The following MARCHF1 variants were observed in gnomAD, a reference collection of about 807,000 sequenced individuals.
The protein encoded by MARCHF1 is E3 ubiquitin-protein ligase MARCHF1.
In MARCHF1, 40 loss-of-function variants were observed where a neutral mutation model predicts 54.2. That is an observed-to-expected ratio of 0.74 (90% CI 0.57 to 0.96). The LOEUF is 0.96. MARCHF1 is among the 40% of genes least tolerant of loss of function. The probability of loss-of-function intolerance (pLI) is 0.00; values close to 1 mark genes in which losing one functional copy is unlikely to be tolerated. For missense variants in MARCHF1, 586 were observed against 656.5 expected, an observed-to-expected ratio of 0.89 and a Z score of 1.17; for synonymous variants, 236 against 236.3, an observed-to-expected ratio of 1.00 and a Z score of 0.01.
rs1210727068 is a variant in MARCHF1 at position 164,161,530 on chromosome 4, T to TCAC, written c.-322-49869_-322-49868insGTG. On this transcript the variant is annotated intron_variant, in intron 1 of 9. Coordinates refer to ENST00000514618, the MANE Select transcript of MARCHF1 (RefSeq NM_001394959.1). ...ATCTTTCCATGTGATATCAAAATCA[T>TCAC]CATCATCATCATCATCAGCAGCAGC... 2.0e-5 allele frequency among the ~76,000 whole-genome samples: 3 copies of TCAC among 149,412 alleles called. No homozygotes were observed. The East Asian group carries it at 5.9e-4, about 29-fold the overall frequency.
intron 1 of MARCHF1, among the ~76,000 whole-genome samples, chr4:164,258,045 A>G (rs6847083): frequency 0.12 from 17,732 of 152,180 alleles, 1,619 homozygotes; most frequent in African/African-American, 0.25. Context: ...AATGTGGTAC[A>G]TATACACCAT....
chr4:164,360,600 C>T (rs1309907851), intron 1 of MARCHF1, among the ~76,000 whole-genome samples: 1 of 152,066 alleles, frequency 6.6e-6, no homozygotes, highest in Non-Finnish European at 1.5e-5. Context: ...GTCGATTTTT[C>T]AGCCCCACCC....
chr4:164,211,331 G>GTGTGTATATATATATA (rs763172261), intron 1 of MARCHF1, among the ~76,000 whole-genome samples: 2 of 115,982 alleles, frequency 1.7e-5, no homozygotes, highest in East Asian at 4.3e-4. Flanking sequence ...ATGTATGTAT[G>GTGTGTATATATATATA]TATATATATA....
intron 1 of MARCHF1, among the ~76,000 whole-genome samples, chr4:164,340,952 C>A (rs187023399): frequency 4.0e-5 from 6 of 149,796 alleles, no homozygotes; most frequent in African/African-American, 1.5e-4. Context: ...GTCAATATCA[C>A]TGATGAATCT....
chr4:163,955,179 G>A (rs1208866053), intron 3 of MARCHF1, among the ~76,000 whole-genome samples: 5 of 143,796 alleles, frequency 3.5e-5, no homozygotes, highest in Non-Finnish European at 6.0e-5. Context: ...GACACCTTTA[G>A]TTCTAATGGC....
intron 1 of MARCHF1, among the ~76,000 whole-genome samples, chr4:164,343,315 A>C (rs1729981062): frequency 6.6e-6 from 1 of 152,146 alleles, no homozygotes; most frequent in Non-Finnish European, 1.5e-5. Context: ...TTTTTTAAAT[A>C]GTCTGTTCAC....
chr4:164,020,140 C>T (rs1753629925), intron 2 of MARCHF1, among the ~76,000 whole-genome samples: 1 of 152,138 alleles, frequency 6.6e-6, no homozygotes, highest in South Asian at 2.1e-4. Context: ...TCTTTTATTG[C>T]CTCCAGTTCC....
At chr4:163,946,013 C>T (rs1752016240) in intron 3 of MARCHF1, among the ~76,000 whole-genome samples, 1 of 145,768 alleles carries the variant, frequency 6.9e-6, no homozygotes, top group Non-Finnish European at 1.5e-5. Context: ...AAAAAAAAAA[C>T]ACTTAATTCC....
chr4:164,265,611 A>T (rs1205918336), intron 1 of MARCHF1, among the ~76,000 whole-genome samples: 1 of 151,874 alleles, frequency 6.6e-6, no homozygotes, highest in Non-Finnish European at 1.5e-5. Context: ...TACTGACATT[A>T]ACATCCCAAA....
intron 4 of MARCHF1, among the ~76,000 whole-genome samples, chr4:163,775,901 C>T (rs779659307): frequency 1.4e-4 from 21 of 152,192 alleles, no homozygotes; most frequent in Non-Finnish European, 1.3e-4. Flanking sequence ...TGAGCATCTA[C>T]AGGTGATCAA....
chr4:164,106,123 C>T (rs4292290), intron 2 of MARCHF1, among the ~76,000 whole-genome samples: 61,996 of 149,696 alleles, frequency 0.41, 13,750 homozygotes, highest in Non-Finnish European at 0.49. Context: ...ACAACAGGTG[C>T]TGGAGAGGAT....
chr4:164,220,252 G>A (rs936458899), intron 1 of MARCHF1, among the ~76,000 whole-genome samples: 30 of 144,240 alleles, frequency 2.1e-4, no homozygotes, highest in African/African-American at 6.3e-4. Flanking sequence ...ACACACATAC[G>A]TATATATACA....
intron 1 of MARCHF1, among the ~76,000 whole-genome samples, chr4:164,338,263 A>G (rs1729815611): frequency 6.6e-6 from 1 of 152,200 alleles, no homozygotes; most frequent in Non-Finnish European, 1.5e-5. Flanking sequence ...AAAGCAAAAA[A>G]TTATCATAGA....
intron 4 of MARCHF1, among the ~76,000 whole-genome samples, chr4:163,733,767 T>A (rs1745951649): frequency 6.6e-6 from 1 of 152,088 alleles, no homozygotes; most frequent in African/African-American, 2.4e-5. Flanking sequence ...CAGAGATTTA[T>A]CAGGTGAAAT....
Position 164,161,030 on chromosome 4 carries a change from G to A in MARCHF1, c.-322-49368C>T, listed in dbSNP as rs116023302. Among the ~76,000 whole-genome samples, 496 of 152,118 alleles carry A rather than the reference G, an allele frequency of 3.3e-3. 1 individual carries two copies. The highest frequency in any genetic ancestry group is 0.011 in the African/African-American group (464 of 41,530). ...AGGTATATTAAGTGATTATTTAACCGAAACCACTTACCAATTGATATAGTT... is the reference window on the plus strand; with the variant it reads ...AGGTATATTAAGTGATTATTTAACCAAAACCACTTACCAATTGATATAGTT... On this transcript the variant is annotated intron_variant, in intron 1 of 9. Coordinates refer to ENST00000514618, the MANE Select transcript of MARCHF1 (RefSeq NM_001394959.1).
At chr4:163,786,412 C>CT (rs1000958872) in intron 4 of MARCHF1, among the ~76,000 whole-genome samples, 2 of 151,648 alleles carry the variant, frequency 1.3e-5, no homozygotes, top group African/African-American at 2.4e-5. Flanking sequence ...ACAAATACAC[C>CT]TTTTTTTCTC....
intron 4 of MARCHF1, among the ~76,000 whole-genome samples, chr4:163,826,064 T>C (rs1428955389): frequency 6.6e-6 from 1 of 152,064 alleles, no homozygotes; most frequent in African/African-American, 2.4e-5. Flanking sequence ...CATGCAACTT[T>C]TATAGACCTC....
At chr4:163,704,470 T>C (rs977806650) in intron 4 of MARCHF1, among the ~76,000 whole-genome samples, 1 of 151,830 alleles carries the variant, frequency 6.6e-6, no homozygotes, top group African/African-American at 2.4e-5. Flanking sequence ...TTAATGTCTA[T>C]GAAACATTTA....
At chr4:163,866,481 T>TATATATAA (rs1167768240) in intron 3 of MARCHF1, among the ~76,000 whole-genome samples, 2 of 145,474 alleles carry the variant, frequency 1.4e-5, no homozygotes, top group African/African-American at 2.5e-5. Context: ...TATATATATA[T>TATATATAA]AATAGGACTG....
Sources: allele counts gnomAD v4.1 joint callset (sites outside exome capture counted in the v4.1 genomes callset), GRCh38; gene constraint gnomAD v4.1.1; transcripts MANE v1.5; gene names NCBI Gene and HGNC (gene_info 2026-07-23, HGNC 2026-07-21).